Variants in ARL15 observed in about 807,000 individuals in gnomAD.
ARL15 encodes the protein ARF like GTPase 15.
In ARL15, 19 loss-of-function variants were observed where a neutral mutation model predicts 25.2. The ratio of observed to expected loss-of-function variants is 0.75; its 90% confidence interval spans 0.53 to 1.10. The LOEUF (loss-of-function observed/expected upper bound fraction) is 1.10. ARL15 is among the 50% of genes least tolerant of loss of function. ARL15 has a pLI of 0.00. For missense variants in ARL15, 220 were observed against 246.0 expected (o/e 0.89, Z 0.71); for synonymous variants, 94 against 86.8 (o/e 1.08, Z -0.46).
chr5:53,987,273 C>T (rs1163775240), intron 4 of ARL15, among the ~76,000 whole-genome samples: 3 of 147,690 alleles, frequency 2.0e-5, no homozygotes, highest in Non-Finnish European at 4.5e-5. Context: ...GCTTCCAGAA[C>T]TATGTAGCCA....
At chr5:54,237,561 A>G (rs1272625034) in intron 1 of ARL15, among the ~76,000 whole-genome samples, 1 of 149,238 alleles carries the variant, frequency 6.7e-6, no homozygotes, top group African/African-American at 2.6e-5. Flanking sequence ...AAAAAGCAGT[A>G]GCATTTTATG....
chr5:54,246,794 GCATACACACACACA>G (rs1318020131), intron 1 of ARL15, among the ~76,000 whole-genome samples: 1 of 97,408 alleles, frequency 1.0e-5, no homozygotes, highest in African/African-American at 3.7e-5. Context: ...TACAAAGCAT[GCATACACACACACA>G]CACACACACA....
chr5:53,968,120 T>C (rs916880865), intron 4 of ARL15, among the ~76,000 whole-genome samples: 5 of 152,130 alleles, frequency 3.3e-5, no homozygotes, highest in Admixed American at 6.5e-5. Flanking sequence ...GACATTAGAC[T>C]TCTGGTTTCG....
intron 4 of ARL15, among the ~76,000 whole-genome samples, chr5:53,925,882 CA>C (rs1407744861): frequency 6.6e-6 from 1 of 151,712 alleles, no homozygotes; most frequent in Admixed American, 6.6e-5. Context: ...TCGTATCTTA[CA>C]AAGAACTTAA....
At chr5:54,300,054 A>G (rs1040185416) in intron 1 of ARL15, among the ~76,000 whole-genome samples, 1 of 152,188 alleles carries the variant, frequency 6.6e-6, no homozygotes, top group African/African-American at 2.4e-5. Context: ...TACAGATCAT[A>G]GTGCATGACC....
At chr5:53,937,442 A>T (rs779600294) in intron 4 of ARL15, among the ~76,000 whole-genome samples, 9 of 152,196 alleles carry the variant, frequency 5.9e-5, no homozygotes, top group Non-Finnish European at 1.2e-4. Flanking sequence ...AAAAAGCCCT[A>T]TGTGGACGTG....
chr5:54,123,260 C>T (rs753409345), intron 3 of ARL15, among the ~76,000 whole-genome samples: 10 of 152,062 alleles, frequency 6.6e-5, no homozygotes, highest in Non-Finnish European at 8.8e-5. Flanking sequence ...CAGGCACCTG[C>T]CACCACACTC....
chr5:54,237,046 C>A (rs1030904297), intron 1 of ARL15, among the ~76,000 whole-genome samples: 1 of 152,136 alleles, frequency 6.6e-6, no homozygotes, highest in Non-Finnish European at 1.5e-5. Context: ...TGGCTGTGTC[C>A]CCACCCAAAT....
chr5:54,000,049 T>C (rs546584395), intron 4 of ARL15, among the ~76,000 whole-genome samples: 61 of 152,304 alleles, frequency 4.0e-4, no homozygotes, highest in South Asian at 1.5e-3. Flanking sequence ...CTCATATCTA[T>C]ATTGAGTCCA....
intron 4 of ARL15, among the ~76,000 whole-genome samples, chr5:53,918,407 G>A (rs935313015): frequency 6.6e-6 from 1 of 151,962 alleles, no homozygotes; most frequent in African/African-American, 2.4e-5. Flanking sequence ...TGCCCAAGCT[G>A]GTCACGTACT....
At chr5:53,888,043 G>A (rs1744592335) in intron 4 of ARL15, among the ~76,000 whole-genome samples, 1 of 151,794 alleles carries the variant, frequency 6.6e-6, no homozygotes, top group South Asian at 2.1e-4. Context: ...TGTCCAAAAA[G>A]TCTCCTTATC....
chr5:54,277,109 TGTCCAGACCTA>T (rs1757947066), intron 1 of ARL15, among the ~76,000 whole-genome samples: 1 of 152,186 alleles, frequency 6.6e-6, no homozygotes, highest in Non-Finnish European at 1.5e-5. Context: ...GGGTAGGATT[TGTCCAGACCTA>T]AAGAGCTAAA....
chr5:53,963,823 A>T (rs933327889), intron 4 of ARL15, among the ~76,000 whole-genome samples: 5 of 149,920 alleles, frequency 3.3e-5, no homozygotes, highest in African/African-American at 1.3e-4. Context: ...ACACACACAC[A>T]CACACACACA....
intron 1 of ARL15, among the ~76,000 whole-genome samples, chr5:54,223,230 ATATTTTT>A: frequency 6.6e-6 from 1 of 152,144 alleles, no homozygotes; most frequent in South Asian, 2.1e-4. Context: ...AAAACTACTT[ATATTTTT>A]TATTAAAATT....
At chr5:54,141,221 A>G (rs1753771561) in intron 3 of ARL15, among the ~76,000 whole-genome samples, 1 of 152,160 alleles carries the variant, frequency 6.6e-6, no homozygotes, top group Admixed American at 6.5e-5. Flanking sequence ...TGAGATTTTA[A>G]AAGTCTACAC....
At chr5:54,006,971 A>G (rs576909901) in intron 4 of ARL15, among the ~76,000 whole-genome samples, 1 of 152,160 alleles carries the variant, frequency 6.6e-6, no homozygotes, top group East Asian at 1.9e-4. Flanking sequence ...CATGCCTGTA[A>G]TCCCAGCTAC....
intron 4 of ARL15, among the ~76,000 whole-genome samples, chr5:54,028,653 C>A (rs1238818741): frequency 3.9e-5 from 6 of 152,058 alleles, no homozygotes; most frequent in Non-Finnish European, 7.4e-5. Flanking sequence ...GGCAGTCTAT[C>A]CATTGAAGGC....
intron 3 of ARL15, among the ~76,000 whole-genome samples, chr5:54,131,119 A>G (rs1753416043): frequency 6.6e-6 from 1 of 152,164 alleles, no homozygotes; most frequent in Admixed American, 6.5e-5. Flanking sequence ...CATCACCTCT[A>G]GCAGTAAGCA....
At chr5:54,203,873 A>C (rs1755787756) in intron 1 of ARL15, among the ~76,000 whole-genome samples, 2 of 152,142 alleles carry the variant, frequency 1.3e-5, no homozygotes, top group South Asian at 4.1e-4. Flanking sequence ...TTATTTATTC[A>C]AAGATTATAA....
Sources: allele counts gnomAD v4.1 joint callset (sites outside exome capture counted in the v4.1 genomes callset), GRCh38; gene constraint gnomAD v4.1.1; transcripts MANE v1.5; gene names NCBI Gene and HGNC (gene_info 2026-07-23, HGNC 2026-07-21).